Variants in ARHGAP26 observed in about 807,000 individuals in gnomAD.
ARHGAP26 encodes Rho GTPase activating protein 26, also known as rho GTPase-activating protein 26.
ARHGAP26 carries 38 observed loss-of-function variants against 104.8 expected under a neutral mutation model. That is an observed-to-expected ratio of 0.36 (90% CI 0.28 to 0.48). The LOEUF is 0.48. ARHGAP26 is among the 20% of genes least tolerant of loss of function. The pLI, the probability that ARHGAP26 is intolerant of heterozygous loss-of-function variation, is 0.99. For missense variants in ARHGAP26, 704 were observed against 947.9 expected, an observed-to-expected ratio of 0.74 and a Z score of 3.38; for synonymous variants, 341 against 340.0, an observed-to-expected ratio of 1.00 and a Z score of -0.03.
At chr5:143,096,271 T>C (rs1170475476) in intron 17 of ARHGAP26, among the ~76,000 whole-genome samples, 1 of 152,246 alleles carries the variant, frequency 6.6e-6, no homozygotes, top group African/African-American at 2.4e-5. Context: ...TCACCACTTA[T>C]TTTAAAAAGT....
chr5:142,864,710 C>T lies in ARHGAP26; in HGVS notation c.155-8690C>T, dbSNP rs192319376. On this transcript the variant is annotated intron_variant, in intron 1 of 22. Coordinates refer to ENST00000645722, the MANE Select transcript of ARHGAP26 (RefSeq NM_001135608.3). The stretch of plus-strand genomic sequence containing the variant: ...TGTGGGAAGGAAAGCAAGGCAGGGC[C>T]GGGGGCATCCCTGTCCTCTCTCTTC... Among the ~76,000 whole-genome samples, 18 of 152,292 alleles carry T rather than the reference C, an allele frequency of 1.2e-4. No individual in the cohort carries two copies. The South Asian group carries it at 2.9e-3, about 25-fold the overall frequency.
intron 1 of ARHGAP26, among the ~76,000 whole-genome samples, chr5:142,858,036 A>G (rs1290013298): frequency 1.3e-5 from 2 of 151,032 alleles, no homozygotes; most frequent in Non-Finnish European, 3.0e-5. Flanking sequence ...AGGGAGAGAG[A>G]AGGAATGAGA....
At chr5:142,842,715 A>G (rs985464215) in intron 1 of ARHGAP26, among the ~76,000 whole-genome samples, 3 of 152,220 alleles carry the variant, frequency 2.0e-5, no homozygotes, top group Non-Finnish European at 2.9e-5. Context: ...TTCTGAGGCC[A>G]ATTTCCCATT....
At chr5:143,177,605 G>A (rs1246164023) in intron 20 of ARHGAP26, among the ~76,000 whole-genome samples, 1 of 152,150 alleles carries the variant, frequency 6.6e-6, no homozygotes, top group Non-Finnish European at 1.5e-5. Flanking sequence ...TTAGGATCTG[G>A]CTGGCACTGC....
At chr5:143,097,831 A>AAG in intron 17 of ARHGAP26, among the ~76,000 whole-genome samples, 1 of 151,566 alleles carries the variant, frequency 6.6e-6, no homozygotes, top group South Asian at 2.1e-4. Context: ...CAAAAAAAAA[A>AAG]AAAAAAGAAA....
At chr5:142,900,725 A>AT (rs879413114) in intron 6 of ARHGAP26, among the ~76,000 whole-genome samples, 19 of 150,760 alleles carry the variant, frequency 1.3e-4, no homozygotes, top group South Asian at 2.1e-4. Flanking sequence ...AGTAAAGTAA[A>AT]TTTTTTTTTT....
At chr5:143,031,567 C>T (rs2152861484) in intron 12 of ARHGAP26, among the ~76,000 whole-genome samples, 1 of 149,314 alleles carries the variant, frequency 6.7e-6, no homozygotes, top group Non-Finnish European at 1.5e-5. Flanking sequence ...ACCACCTACA[C>T]ACCTCTTTTT....
intron 16 of ARHGAP26, 103 bp downstream of exon 16, chr5:143,056,189 T>C (rs1377878102): frequency 2.1e-6 from 2 of 940,404 alleles, no homozygotes; most frequent in Non-Finnish European, 1.7e-6. Flanking sequence ...CTTCGTATTC[T>C]GCACATAAAC....
At chr5:142,874,129 T>A (rs369657934) in intron 2 of ARHGAP26, among the ~76,000 whole-genome samples, 1 of 152,160 alleles carries the variant, frequency 6.6e-6, no homozygotes, top group African/African-American at 2.4e-5. Flanking sequence ...CCGCCACTCC[T>A]GTTTCCTTAA....
At chr5:143,014,323 T>C (rs1779298902) in intron 12 of ARHGAP26, 1 of 610,062 alleles carries the variant, frequency 1.6e-6, no homozygotes, top group African/African-American at 1.9e-5. Flanking sequence ...AAGGCTGTAG[T>C]GTAGTGACAC....
At chr5:142,895,804 G>A (rs1759399149) in intron 6 of ARHGAP26, among the ~76,000 whole-genome samples, 1 of 152,088 alleles carries the variant, frequency 6.6e-6, no homozygotes, top group Non-Finnish European at 1.5e-5. Context: ...GGGCAACTGG[G>A]CAACATAGTG....
chr5:143,118,635 G>T (rs1192789767), intron 17 of ARHGAP26, among the ~76,000 whole-genome samples: 3 of 152,144 alleles, frequency 2.0e-5, no homozygotes, highest in East Asian at 1.9e-4. Flanking sequence ...AGCCAGGTGT[G>T]GTGGCGCATG....
rs545764866 is a variant in ARHGAP26, at chr5:143,178,527, C to T, written c.1989-28671C>T. On this transcript the variant is annotated intron_variant, in intron 20 of 22. Transcript: ENST00000645722. ...AACATCTGCTGTTTCTTTTAGGATC[C>T]ACTGAGTCCTCCTCCAGGGAGCCTT... Among the ~76,000 whole-genome samples, 123 of 152,312 alleles carry T rather than the reference C, an allele frequency of 8.1e-4. 2 individuals carry two copies. The highest frequency in any genetic ancestry group is 1.5e-5 in the Non-Finnish European group (1 of 68,024).
chr5:142,828,840 A>G (rs1169010879), intron 1 of ARHGAP26, among the ~76,000 whole-genome samples: 1 of 152,172 alleles, frequency 6.6e-6, no homozygotes, highest in African/African-American at 2.4e-5. Flanking sequence ...TGCCTCCTCT[A>G]GCAAGACGGG....
At chr5:143,014,979 G>C (rs935793377) in intron 12 of ARHGAP26, among the ~76,000 whole-genome samples, 2 of 152,140 alleles carry the variant, frequency 1.3e-5, no homozygotes, top group Non-Finnish European at 2.9e-5. Context: ...AAAGGATGAA[G>C]TTGTTTTTTT....
intron 11 of ARHGAP26, among the ~76,000 whole-genome samples, chr5:142,950,751 A>G (rs747449442): frequency 2.6e-5 from 4 of 152,210 alleles, no homozygotes; most frequent in Admixed American, 2.6e-4. Flanking sequence ...GCCCCTCCCA[A>G]GTAAATACAC....
At chr5:143,194,164 G>T (rs894743387) in intron 20 of ARHGAP26, 6 of 152,244 alleles carry the variant, frequency 3.9e-5, no homozygotes, top group African/African-American at 1.2e-4. Context: ...ACATATTCCA[G>T]TCTGCCAGAG....
intron 17 of ARHGAP26, among the ~76,000 whole-genome samples, chr5:143,095,874 A>G (rs750288214): frequency 6.6e-6 from 1 of 152,224 alleles, no homozygotes; most frequent in Non-Finnish European, 1.5e-5. Context: ...TCCAGGCCTC[A>G]TATCTTCTTC....
chr5:142,981,749 T>C (rs1257415401), intron 11 of ARHGAP26, among the ~76,000 whole-genome samples: 2 of 152,222 alleles, frequency 1.3e-5, no homozygotes, highest in Non-Finnish European at 2.9e-5. Context: ...TCCAGAACGC[T>C]CAGCCCAAAA....
Sources: gnomAD v4.1 joint callset for allele counts (sites outside exome capture counted in the v4.1 genomes callset) on GRCh38, gnomAD v4.1.1 for gene constraint, MANE v1.5 for transcripts, NCBI Gene and HGNC (gene_info 2026-07-23, HGNC 2026-07-21) for gene names.